The following KLF8 variants were observed in gnomAD, a reference collection of about 807,000 sequenced individuals.
KLF8 encodes Krueppel-like factor 8.
Under a neutral mutation model 18.2 loss-of-function variants are expected in KLF8, and 10 were observed. The ratio of observed to expected loss-of-function variants is 0.55; its 90% CI spans 0.34 to 0.93. The LOEUF is 0.93. Among genes scored for constraint, KLF8 ranks in the 40% least tolerant of loss-of-function variants. The probability of loss-of-function intolerance (pLI) is 0.02; values close to 1 mark genes in which losing one functional copy is unlikely to be tolerated. For missense variants in KLF8, 264 were observed against 277.9 expected (o/e 0.95, Z 0.36); for synonymous variants, 109 against 97.3 (o/e 1.12, Z -0.71).
At chrX:56,164,874 G>C in the KLF8 span, among the ~76,000 whole-genome samples, 2 of 89,682 alleles carry the variant, frequency 2.2e-5, no homozygotes, top group Non-Finnish European at 4.4e-5. Context: ...CTAGCATTAG[G>C]TATATCTCCC....
chrX:56,083,829 A>G, the KLF8 span, among the ~76,000 whole-genome samples: 1 of 111,548 alleles, frequency 9.0e-6, no homozygotes, highest in Non-Finnish European at 1.9e-5. Context: ...CAGGCTCCTT[A>G]TGAGACTATA....
the KLF8 span, among the ~76,000 whole-genome samples, chrX:56,101,816 A>G: frequency 9.0e-6 from 1 of 111,125 alleles, no homozygotes; most frequent in Non-Finnish European, 1.9e-5. Flanking sequence ...TTACTTCTTG[A>G]TTTGCTTAGG....
the KLF8 span, among the ~76,000 whole-genome samples, chrX:55,973,968 TA>T: frequency 1.8e-5 from 2 of 111,567 alleles, no homozygotes; most frequent in Non-Finnish European, 3.8e-5. Flanking sequence ...ATAAATAAAA[TA>T]TGGTACATAT....
At chrX:56,126,773 G>A in the KLF8 span, among the ~76,000 whole-genome samples, 17 of 74,629 alleles carry the variant, frequency 2.3e-4, no homozygotes, top group Admixed American at 1.6e-3. Flanking sequence ...TTTTTTTTGA[G>A]ACGAAGTCTC....
the KLF8 span, among the ~76,000 whole-genome samples, chrX:55,991,711 C>T: frequency 3.6e-5 from 4 of 112,466 alleles, no homozygotes; most frequent in South Asian, 3.6e-4. Context: ...AACTTATTTA[C>T]GTTAACACCA....
the KLF8 span, among the ~76,000 whole-genome samples, chrX:56,123,267 AAGAAAAAGAAAG>A: frequency 2.7e-5 from 2 of 73,976 alleles, no homozygotes; most frequent in African/African-American, 1.2e-4. Flanking sequence ...GAAAGAAAGA[AAGAAAAAGAAAG>A]AAAGAAAGAA....
chrX:56,061,986 C>CTTTT, the KLF8 span, among the ~76,000 whole-genome samples: 134 of 57,117 alleles, frequency 2.3e-3, 7 homozygotes, highest in African/African-American at 0.016. Context: ...GCAACCCCTG[C>CTTTT]TTTTTTTTTT....
intron 1 of KLF8, among the ~76,000 whole-genome samples, chrX:56,235,366 T>C (rs1187249062): frequency 9.2e-6 from 1 of 108,316 alleles, no homozygotes; most frequent in African/African-American, 3.4e-5. Context: ...AGTATTGGGC[T>C]CATTTGTTTA....
upstream of KLF8, among the ~76,000 whole-genome samples, chrX:56,231,781 T>C (rs1223457841): frequency 9.0e-6 from 1 of 111,398 alleles, no homozygotes; most frequent in East Asian, 2.8e-4. Flanking sequence ...GGTTGAGAAC[T>C]CTATTCTTAG....
At chrX:56,210,815 A>G in the KLF8 span, among the ~76,000 whole-genome samples, 2,181 of 108,307 alleles carry the variant, frequency 0.02, 26 homozygotes, top group Non-Finnish European at 0.032. Flanking sequence ...TGAATTTTGC[A>G]ATTAAAAGAC....
At chrX:55,938,062 C>T in the KLF8 span, among the ~76,000 whole-genome samples, 1 of 110,938 alleles carries the variant, frequency 9.0e-6, no homozygotes, top group African/African-American at 3.3e-5. Flanking sequence ...AACTCCAAGA[C>T]ACATAATTGT....
chrX:56,189,578 T>C, the KLF8 span, among the ~76,000 whole-genome samples: 1 of 111,163 alleles, frequency 9.0e-6, no homozygotes, highest in Non-Finnish European at 1.9e-5. Context: ...CACATATGTT[T>C]ATTGTGGCAT....
the KLF8 span, among the ~76,000 whole-genome samples, chrX:56,186,244 G>T: frequency 9.0e-6 from 1 of 111,196 alleles, no homozygotes; most frequent in Non-Finnish European, 1.9e-5. Context: ...TGATAAAACA[G>T]ACTTTAAACC....
At chrX:56,279,721 T>C (rs1256073890) in intron 5 of KLF8, among the ~76,000 whole-genome samples, 2 of 111,193 alleles carry the variant, frequency 1.8e-5, no homozygotes, top group Admixed American at 9.5e-5. Flanking sequence ...AGGAGGTACA[T>C]TGATGATTAA....
the KLF8 span, among the ~76,000 whole-genome samples, chrX:56,019,960 A>G: frequency 1.8e-5 from 2 of 111,976 alleles, no homozygotes; most frequent in South Asian, 7.4e-4. Context: ...CTTATTTGAC[A>G]GCTGACTGCA....
At chrX:56,097,038 G>T in the KLF8 span, among the ~76,000 whole-genome samples, 1 of 110,997 alleles carries the variant, frequency 9.0e-6, no homozygotes, top group Non-Finnish European at 1.9e-5. Flanking sequence ...TGTGAACATA[G>T]ATGCAAAAAT....
the KLF8 span, among the ~76,000 whole-genome samples, chrX:56,154,188 A>G: frequency 9.1e-6 from 1 of 109,923 alleles, no homozygotes; most frequent in Non-Finnish European, 1.9e-5. Flanking sequence ...ACTATACTAC[A>G]AGGCTACAGT....
At chrX:56,068,006 T>C in the KLF8 span, among the ~76,000 whole-genome samples, 2 of 112,166 alleles carry the variant, frequency 1.8e-5, no homozygotes, top group African/African-American at 6.5e-5. Context: ...ACCTTGCCAA[T>C]GGTAGCCAAA....
At chrX:56,185,244 C>CA in the KLF8 span, among the ~76,000 whole-genome samples, 4 of 111,419 alleles carry the variant, frequency 3.6e-5, no homozygotes, top group African/African-American at 1.3e-4. Context: ...CCTCAGGAGC[C>CA]AACAAGATCA....
Sources: allele counts gnomAD v4.1 joint callset (sites outside exome capture counted in the v4.1 genomes callset), GRCh38; gene constraint gnomAD v4.1.1; transcripts MANE v1.5; gene names NCBI Gene and HGNC (gene_info 2026-07-23, HGNC 2026-07-21).